The following FANCI variants were observed in gnomAD, a reference collection of about 807,000 sequenced individuals.
FANCI encodes the protein FA complementation group I.
Under a neutral mutation model 176.1 loss-of-function variants are expected in FANCI, and 156 were observed. The ratio of observed to expected loss-of-function variants is 0.89; its 90% CI spans 0.78 to 1.01. The LOEUF is 1.01. Among genes scored for constraint, FANCI ranks in the 50% least tolerant of loss-of-function variants. FANCI has a pLI of 0.00. For missense variants in FANCI, 1,678 were observed against 1,534.1 expected (o/e 1.09, Z -1.57); for synonymous variants, 613 against 541.7 (o/e 1.13, Z -1.83).
At chr15:89,296,713 A>G (rs1596310767) in intron 24 of FANCI, among the ~76,000 whole-genome samples, 1 of 151,160 alleles carries the variant, frequency 6.6e-6, no homozygotes, top group South Asian at 2.1e-4. Flanking sequence ...TGTTGGGTAC[A>G]CCTCCCAGAC....
rs8035175 is a variant in FANCI, at chr15:89,305,898, G to A, written c.3350-109G>A. 11,091 of 1,232,804 alleles carry A rather than the reference G, an allele frequency of 9.0e-3. 639 individuals are homozygous for A. In the African/African-American group the frequency reaches 0.14, roughly 15 times the overall value. The allele number at this position is 1,232,804 out of a possible 1,614,324, so 76.4% of individuals were successfully genotyped here. A position where few individuals can be genotyped will look rare whatever the true frequency, so the allele number is the denominator to read the frequency against. On this transcript the variant is annotated intron_variant, in intron 31 of 37. Transcript: ENST00000310775. The stretch of plus-strand genomic sequence containing the variant: ...AATTCACTCTGCATATTGAATGTTC[G>A]TTTTTCCATAAAGACTTTCTAGTTA...
rs910900590 is a variant in FANCI, at chr15:89,281,844, C to T, written c.1583+9C>T. 2 of 1,612,674 alleles carry T rather than the reference C, an allele frequency of 1.2e-6. No individual in the cohort carries two copies. Among genetic ancestry groups the T allele is most frequent in the Middle Eastern group, 1.7e-4 (1 of 6,060 alleles). ...AAAGCTATGTTTGCCAAGTATGTAG[C>T]ATCTTTTTCTATCATAGGAAGACGT... On this transcript the variant is annotated intron_variant, in intron 16 of 37. Coordinates refer to ENST00000310775, the MANE Select transcript of FANCI (RefSeq NM_001113378.2).
At chr15:89,254,414 G>A (rs1416162977) in intron 2 of FANCI, among the ~76,000 whole-genome samples, 2 of 152,126 alleles carry the variant, frequency 1.3e-5, no homozygotes, top group Non-Finnish European at 2.9e-5. Context: ...CAGTGGGGGC[G>A]TGTCACAAAG....
chr15:89,291,484 T>C (rs1049466284), intron 19 of FANCI, 129 bp from the exon 20 acceptor site: 13 of 765,686 alleles, frequency 1.7e-5, no homozygotes, highest in Admixed American at 8.0e-5. Context: ...CTTGGCTGCA[T>C]TGTTCTTTGA....
chr15:89,302,210 G>A (rs2054548705), intron 27 of FANCI, among the ~76,000 whole-genome samples: 1 of 152,176 alleles, frequency 6.6e-6, no homozygotes, highest in Non-Finnish European at 1.5e-5. Flanking sequence ...TCAGAAGACT[G>A]TAGCCTGGGA....
chr15:89,276,701 G>A lies in FANCI; in HGVS notation c.1113-10G>A. 1 of 1,614,104 alleles carries A rather than the reference G, an allele frequency of 6.2e-7. No individual in the cohort carries two copies. The highest frequency in any genetic ancestry group is 1.1e-5 in the South Asian group (1 of 91,092). ...TTTTTCTTTTTTAACTAAGCTTTGT[G>A]TTCTTGTAGCGTTCATAGCTGGGAC... is the stretch of plus-strand genomic sequence containing the variant. On this transcript the variant is annotated splice_polypyrimidine_tract_variant and intron_variant, in intron 12 of 37. Transcript: ENST00000310775.
At chr15:89,257,979 C>T (rs887761406) in intron 2 of FANCI, among the ~76,000 whole-genome samples, 1 of 152,192 alleles carries the variant, frequency 6.6e-6, no homozygotes, top group African/African-American at 2.4e-5. Flanking sequence ...CTACCATGGC[C>T]TGTAAGATTC....
intron 34 of FANCI, among the ~76,000 whole-genome samples, chr15:89,309,495 T>A (rs1392467339): frequency 6.6e-6 from 1 of 152,136 alleles, no homozygotes; most frequent in Non-Finnish European, 1.5e-5. Context: ...TAATGGAGGC[T>A]GAGGTAAGAA....
At chr15:89,268,133 TGCCTA>T (rs2053048586) in intron 9 of FANCI, among the ~76,000 whole-genome samples, 1 of 152,278 alleles carries the variant, frequency 6.6e-6, no homozygotes. Context: ...GTCTCTCTGT[TGCCTA>T]GGCTGAAGTG....
chr15:89,296,445 TG>T (rs990759322), intron 24 of FANCI, among the ~76,000 whole-genome samples: 1 of 152,146 alleles, frequency 6.6e-6, no homozygotes, highest in Non-Finnish European at 1.5e-5. Flanking sequence ...TTTTTGTTTT[TG>T]TTTTTGTTTT....
At position 89,299,841 on chromosome 15, in the gene FANCI, A is replaced by C. The variant is rs1333803894; in HGVS notation, c.2678A>C (p.Glu893Ala). ...TACACTTCAATTCCTACTTCAGTGG[A>C]AGAGTCGGGAAAGAAAGAGAAAGGA... Reference protein sequence around the residue: ...WRYTSIPTSVEESGKKEKGKS... With the variant: ...WRYTSIPTSVAESGKKEKGKS... Residue 893 changes from glutamate to alanine, a missense_variant, in exon 25 of 38, where the codon GAA becomes GCA. Transcript: ENST00000310775. The C allele has an allele frequency of 1.2e-6, 2 of 1,613,992 alleles. No individual in the cohort carries two copies. The highest frequency in any genetic ancestry group is 2.2e-5 in the East Asian group (1 of 44,868).
At chr15:89,275,990 A>C (rs2053396319) in intron 12 of FANCI, among the ~76,000 whole-genome samples, 2 of 152,338 alleles carry the variant, frequency 1.3e-5, no homozygotes, top group Admixed American at 6.5e-5. Context: ...GGCTCTTCAG[A>C]GTATGAATAT....
intron 4 of FANCI, among the ~76,000 whole-genome samples, chr15:89,261,328 G>T (rs2052704098): frequency 6.6e-6 from 1 of 152,070 alleles, no homozygotes; most frequent in African/African-American, 2.4e-5. Flanking sequence ...TACATTTCTG[G>T]TACCATGGAC....
chr15:89,260,641 C>T, intron 3 of FANCI, 72 bp from the exon 4 acceptor site: 1 of 1,569,430 alleles, frequency 6.4e-7, no homozygotes, highest in Non-Finnish European at 8.7e-7. Context: ...TAACTACAAA[C>T]CTGTTCGTTT....
At position 89,269,867 on chromosome 15, in the gene FANCI, G is replaced by A. The variant is rs567131573; in HGVS notation, c.882+1342G>A. Among the ~76,000 whole-genome samples, 8 of 150,928 alleles carry A rather than the reference G, an allele frequency of 5.3e-5. No individual in the cohort carries two copies. In the South Asian group the frequency reaches 1.3e-3, roughly 24 times the overall value. On this transcript the variant is annotated intron_variant, in intron 10 of 37. Coordinates refer to ENST00000310775, the MANE Select transcript of FANCI (RefSeq NM_001113378.2). ...ACTGTGTCACCCAAGCTAGAGTGCC[G>A]TGGCCCAATCTTGGCTCACTGCAAC...
chr15:89,264,281 G>A (rs1484097635), intron 8 of FANCI, among the ~76,000 whole-genome samples: 2 of 152,176 alleles, frequency 1.3e-5, no homozygotes, highest in Non-Finnish European at 2.9e-5. Context: ...CTTTGCGGAG[G>A]TAAAAGGGAT....
At position 89,261,673 on chromosome 15, in the gene FANCI, C is replaced by T; in HGVS notation, c.377C>T (p.Ser126Phe). The stretch of plus-strand genomic sequence containing the variant: ...GAAGGCAGCCTAGTGAATGGAAAAT[C>T]TTTGGAGTTACTACCTATCATTCTC... ...VREGSLVNGK[S>F]LELLPIILTA... Residue 126 changes from serine to phenylalanine, a missense_variant, in exon 5 of 38, where the codon TCT (serine) becomes TTT (phenylalanine). This residue lies in a region of FANCI where 469 missense variants were observed against 436.9 expected (regional missense o/e 1.07). Transcript: ENST00000310775. 6.2e-7 allele frequency: 1 copy of T among 1,614,094 alleles called. No individual in the cohort carries two copies. The highest frequency in any genetic ancestry group is 8.5e-7 in the Non-Finnish European group (1 of 1,180,010).
At chr15:89,244,991 A>C (rs1426067794) in intron 1 of FANCI, among the ~76,000 whole-genome samples, 1 of 152,176 alleles carries the variant, frequency 6.6e-6, no homozygotes, top group African/African-American at 2.4e-5. Flanking sequence ...GATAAACAAA[A>C]CCAGCTACGG....
chr15:89,251,434 A>G (rs1302953859), intron 2 of FANCI, among the ~76,000 whole-genome samples: 6 of 152,246 alleles, frequency 3.9e-5, no homozygotes, highest in East Asian at 1.9e-4. Context: ...AGCATAAATA[A>G]TAAAGGAAAA....
Sources: gnomAD v4.1 joint callset for allele counts (sites outside exome capture counted in the v4.1 genomes callset) on GRCh38, gnomAD v4.1.1 for gene constraint, gnomAD v4.1.1 regional missense constraint, MANE v1.5 for transcripts, NCBI Gene and HGNC (gene_info 2026-07-23, HGNC 2026-07-21) for gene names.